KCNMB2: variants seen among roughly 807,000 people sequenced by gnomAD.
KCNMB2 encodes calcium-activated potassium channel subunit beta-2.
Under a neutral mutation model 24.5 loss-of-function variants are expected in KCNMB2, and 9 were observed. The ratio of observed to expected loss-of-function variants is 0.37; its 90% CI spans 0.22 to 0.64. The LOEUF is 0.64. Ranked by LOEUF, KCNMB2 falls within the 30% of genes least tolerant of loss-of-function variation. The pLI is 0.63. For synonymous variants in KCNMB2, 109 were observed against 104.4 expected (o/e 1.04, Z -0.27); for missense variants, 226 against 284.3 (o/e 0.79, Z 1.47).
intron 1 of KCNMB2, among the ~76,000 whole-genome samples, chr3:178,637,838 T>C (rs980781872): frequency 6.6e-5 from 10 of 152,206 alleles, no homozygotes; most frequent in African/African-American, 2.4e-4. Flanking sequence ...GACATGTTCC[T>C]ACTTGGGTGT....
chr3:178,580,833 G>A (rs1043585810), intron 1 of KCNMB2, among the ~76,000 whole-genome samples: 1 of 152,078 alleles, frequency 6.6e-6, no homozygotes, highest in African/African-American at 2.4e-5. Flanking sequence ...CCTCTTCAAG[G>A]ACAACTACAA....
At position 178,581,812 on chromosome 3, in the gene KCNMB2, A is replaced by G. The variant is rs141758904; in HGVS notation, c.-68+45101A>G. 1.8e-3 allele frequency among the ~76,000 whole-genome samples: 279 copies of G among 152,350 alleles called. 1 individual carries two copies. The highest frequency in any genetic ancestry group is 3.1e-3 in the Non-Finnish European group (211 of 68,030). On this transcript the variant is annotated intron_variant, in intron 1 of 4. Transcript: ENST00000452583. ...TAGAGAAATGCAAATCAAAACCACA[A>G]TGAGATACCATCTCATGCCAGTTAG...
intron 1 of KCNMB2, among the ~76,000 whole-genome samples, chr3:178,649,896 C>A (rs906199328): frequency 2.0e-5 from 3 of 151,692 alleles, no homozygotes; most frequent in Non-Finnish European, 4.4e-5. Context: ...TTTTAAATTT[C>A]TTTGCTCTTG....
chr3:178,706,600 A>G (rs1266763639), intron 1 of KCNMB2, among the ~76,000 whole-genome samples: 1 of 152,124 alleles, frequency 6.6e-6, no homozygotes, highest in African/African-American at 2.4e-5. Flanking sequence ...TTCATAAAAA[A>G]GAGGAAGTCA....
intron 1 of KCNMB2, among the ~76,000 whole-genome samples, chr3:178,739,465 G>A (rs1723423968): frequency 6.6e-6 from 1 of 152,120 alleles, no homozygotes; most frequent in African/African-American, 2.4e-5. Context: ...ACTCCTCAAA[G>A]GCAAATGAAT....
intron 1 of KCNMB2, among the ~76,000 whole-genome samples, chr3:178,777,051 A>G (rs1430159965): frequency 6.6e-6 from 1 of 152,234 alleles, no homozygotes; most frequent in Non-Finnish European, 1.5e-5. Flanking sequence ...ATATTAACCA[A>G]TGGAGCATAG....
At chr3:178,687,743 T>C (rs1721518156) in intron 1 of KCNMB2, among the ~76,000 whole-genome samples, 1 of 152,192 alleles carries the variant, frequency 6.6e-6, no homozygotes, top group African/African-American at 2.4e-5. Context: ...TTGACACTTT[T>C]AGTACTTTCA....
intron 1 of KCNMB2, among the ~76,000 whole-genome samples, chr3:178,781,155 A>T (rs910183900): frequency 6.6e-6 from 1 of 151,806 alleles, no homozygotes; most frequent in Admixed American, 6.6e-5. Context: ...AATTTTTCCT[A>T]TTTCTTTTAT....
chr3:178,610,801 G>A lies in KCNMB2; in HGVS notation c.-68+74090G>A, dbSNP rs187604305. 3.7e-3 allele frequency among the ~76,000 whole-genome samples: 556 copies of A among 152,242 alleles called. 1 individual carries two copies. Among genetic ancestry groups the A allele is most frequent in the Middle Eastern group, 6.8e-3 (2 of 294 alleles). Reference sequence around the variant, plus strand: ...TACTATTTTGAATAGAATCCTTGTCGTGTTCCAGATCTTAGAGGAAAGGCT... The same window carrying A: ...TACTATTTTGAATAGAATCCTTGTCATGTTCCAGATCTTAGAGGAAAGGCT... On this transcript the variant is annotated intron_variant, in intron 1 of 4. Transcript: ENST00000452583.
chr3:178,646,072 T>G (rs1454682769), intron 1 of KCNMB2, among the ~76,000 whole-genome samples: 1 of 152,092 alleles, frequency 6.6e-6, no homozygotes. Flanking sequence ...AAGAGAAACG[T>G]CTCATCTGAA....
At chr3:178,568,289 C>T (rs947611487) in intron 1 of KCNMB2, among the ~76,000 whole-genome samples, 1 of 152,144 alleles carries the variant, frequency 6.6e-6, no homozygotes, top group Non-Finnish European at 1.5e-5. Context: ...ATAAACGTCT[C>T]AGACTTTAAA....
chr3:178,554,263 C>G (rs552527806), intron 1 of KCNMB2, among the ~76,000 whole-genome samples: 32 of 152,214 alleles, frequency 2.1e-4, no homozygotes, highest in South Asian at 1.7e-3. Context: ...AATTTCAAAC[C>G]ACTATGCAGG....
intron 2 of KCNMB2, among the ~76,000 whole-genome samples, chr3:178,821,306 T>TA (rs911416453): frequency 3.3e-5 from 5 of 152,130 alleles, no homozygotes; most frequent in Admixed American, 6.6e-5. Context: ...TGGCCCAAAA[T>TA]ATGGCATCAT....
intron 1 of KCNMB2, among the ~76,000 whole-genome samples, chr3:178,753,241 T>A (rs1723909807): frequency 6.6e-6 from 1 of 152,198 alleles, no homozygotes; most frequent in Admixed American, 6.5e-5. Context: ...TTTTAAACAC[T>A]CTAACACTCA....
intron 1 of KCNMB2, among the ~76,000 whole-genome samples, chr3:178,632,911 C>T (rs1560140203): frequency 6.6e-6 from 1 of 152,158 alleles, no homozygotes; most frequent in African/African-American, 2.4e-5. Flanking sequence ...GGTCAATACA[C>T]CCATTCCAAA....
intron 1 of KCNMB2, among the ~76,000 whole-genome samples, chr3:178,709,577 A>G (rs751126301): frequency 6.6e-6 from 1 of 152,186 alleles, no homozygotes; most frequent in Non-Finnish European, 1.5e-5. Flanking sequence ...TAACTCAAAC[A>G]TCAGAAAGGG....
chr3:178,592,317 G>A (rs1479505619), intron 1 of KCNMB2, among the ~76,000 whole-genome samples: 4 of 152,096 alleles, frequency 2.6e-5, no homozygotes, highest in Admixed American at 2.6e-4. Context: ...GAGTGCAGGT[G>A]GAACGCGAAG....
chr3:178,599,769 T>A (rs903680113), intron 1 of KCNMB2, among the ~76,000 whole-genome samples: 1 of 152,180 alleles, frequency 6.6e-6, no homozygotes, highest in African/African-American at 2.4e-5. Flanking sequence ...CGTTTCCCTC[T>A]CCTCTGCCAG....
At chr3:178,644,406 A>G (rs1371824548) in intron 1 of KCNMB2, among the ~76,000 whole-genome samples, 6 of 152,218 alleles carry the variant, frequency 3.9e-5, no homozygotes. Flanking sequence ...CATGTCCTCC[A>G]TGGCGCCATG....
Sources: gnomAD v4.1 joint callset for allele counts (sites outside exome capture counted in the v4.1 genomes callset) on GRCh38, gnomAD v4.1.1 for gene constraint, MANE v1.5 for transcripts, NCBI Gene and HGNC (gene_info 2026-07-23, HGNC 2026-07-21) for gene names.